RIF1: variants seen among roughly 807,000 people sequenced by gnomAD.
RIF1 encodes replication timing regulatory factor 1.
RIF1 carries 45 observed loss-of-function variants against 247.1 expected under a neutral mutation model. That is an observed-to-expected ratio of 0.18 (90% confidence interval 0.14 to 0.23). The LOEUF is 0.23. RIF1 is among the 10% of genes least tolerant of loss of function. The probability of loss-of-function intolerance (pLI) is 1.00; values close to 1 mark genes in which losing one functional copy is unlikely to be tolerated. For synonymous variants in RIF1, 1,087 were observed against 978.8 expected, an observed-to-expected ratio of 1.11 and a Z score of -2.06; for missense variants, 2,967 against 2,862.5, an observed-to-expected ratio of 1.04 and a Z score of -0.83.
At chr2:151,418,941 A>T (rs977756121) in intron 6 of RIF1, among the ~76,000 whole-genome samples, 12 of 146,884 alleles carry the variant, frequency 8.2e-5, no homozygotes, top group Non-Finnish European at 1.3e-4. Flanking sequence ...TTCCCTCGTT[A>T]GATCCTTATT....
chr2:151,434,196 T>C (rs1690709853), intron 10 of RIF1, among the ~76,000 whole-genome samples: 1 of 150,912 alleles, frequency 6.6e-6, no homozygotes, highest in Non-Finnish European at 1.5e-5. Context: ...AGAAATCAAG[T>C]GCTACACTGG....
intron 20 of RIF1, among the ~76,000 whole-genome samples, chr2:151,449,261 G>A (rs1693846502): frequency 6.6e-6 from 1 of 151,992 alleles, no homozygotes; most frequent in African/African-American, 2.4e-5. Flanking sequence ...AATTATCATA[G>A]GATTAATGTT....
rs1346184796 is a variant in RIF1, at chr2:151,479,732, C to T, written c.*4661C>T. ...CGAAAAGTGAGTTTTTCTTGGAATT[C>T]TGTTAAGGTGTTAGATTTTCCTCAC... On this transcript the variant is annotated 3_prime_UTR_variant, in exon 36 of 36. Coordinates refer to ENST00000444746, the MANE Select transcript of RIF1 (RefSeq NM_018151.5). 6 of 152,088 alleles carry T rather than the reference C, an allele frequency of 3.9e-5. No homozygotes were observed. Among genetic ancestry groups the T allele is most frequent in the Admixed American group, 3.9e-4 (6 of 15,258 alleles). The allele number at this position is 152,088 out of a possible 1,614,324, so 9.4% of individuals were successfully genotyped here.
At chr2:151,506,889 A>G in intron 13 of RIF1, 1 of 1,511,902 alleles carries the variant, frequency 6.6e-7, no homozygotes, top group Non-Finnish European at 9.2e-7. Context: ...CATTAAATGC[A>G]AAATAAATAG....
At chr2:151,498,807 A>AAGTC (rs1391137492) in intron 10 of RIF1, among the ~76,000 whole-genome samples, 9 of 152,190 alleles carry the variant, frequency 5.9e-5, no homozygotes, top group Admixed American at 2.0e-4. Context: ...CTTTCAAAAG[A>AAGTC]AGTCAGAGTA....
intron 6 of RIF1, among the ~76,000 whole-genome samples, chr2:151,419,379 G>T (rs566490488): frequency 1.3e-5 from 2 of 151,920 alleles, no homozygotes; most frequent in African/African-American, 4.8e-5. Flanking sequence ...AGGCTGGAGC[G>T]CAGTGGTGAG....
intron 12 of RIF1, chr2:151,505,653 C>A (rs2153174201): frequency 8.6e-7 from 1 of 1,168,046 alleles, no homozygotes; most frequent in South Asian, 1.2e-5. Flanking sequence ...TTTTTTGTAG[C>A]CCCCAAATTA....
downstream of RIF1, chr2:151,483,228 G>A (rs1160645005): frequency 5.3e-5 from 8 of 152,178 alleles, no homozygotes; most frequent in Admixed American, 3.3e-4. Context: ...TGCAGCCTAC[G>A]TGGTAGTGGA....
chr2:151,457,723 T>C (rs1308366472), intron 23 of RIF1, 38 bp from the exon 24 acceptor site: 1 of 1,416,520 alleles, frequency 7.1e-7, no homozygotes, highest in African/African-American at 1.4e-5. Flanking sequence ...AGTTAATATT[T>C]AGTATATGTT....
intron 24 of RIF1, 138 bp downstream of exon 24, chr2:151,458,101 C>T (rs1695499650): frequency 1.7e-6 from 1 of 579,422 alleles, no homozygotes; most frequent in East Asian, 2.9e-5. Context: ...ATTTGGAATA[C>T]ATGATAATTA....
intron 35 of RIF1, 103 bp from the exon 36 acceptor site, chr2:151,474,754 C>T (rs973983733): frequency 4.3e-6 from 3 of 700,368 alleles, no homozygotes; most frequent in African/African-American, 3.6e-5. Flanking sequence ...AGCCTGCTCT[C>T]TCAATTTGAA....
At chr2:151,431,317 A>G (rs2432956) in intron 9 of RIF1, among the ~76,000 whole-genome samples, 60,070 of 152,084 alleles carry the variant, frequency 0.39, 12,016 homozygotes, top group African/African-American at 0.42. Context: ...AGAATCTTAT[A>G]TACACATCCA....
chr2:151,454,919 C>T lies in RIF1; in HGVS notation c.2369C>T (p.Ser790Phe), dbSNP rs1381104466. The T allele has an allele frequency of 1.2e-6, 2 of 1,608,106 alleles. No individual in the cohort carries two copies. Among genetic ancestry groups the T allele is most frequent in the Non-Finnish European group, 1.7e-6 (2 of 1,176,974 alleles). ...GCACCACAGAGACCTTCAGATTGGTCCAAAAAGAAGAATGAGCCCCTAGGG... is the reference window on the plus strand; with the variant it reads ...GCACCACAGAGACCTTCAGATTGGTTCAAAAAGAAGAATGAGCCCCTAGGG... ...VKSPQRPSDWSKKKNEPLGKL... is the reference protein window; with the variant it reads ...VKSPQRPSDWFKKKNEPLGKL... Residue 790 changes from serine (S) to phenylalanine (F), a missense_variant, in exon 22 of 36, where the codon TCC becomes TTC. By Grantham distance (155) the Ser-to-Phe change is radical. Coordinates refer to ENST00000444746, the MANE Select transcript of RIF1 (RefSeq NM_018151.5).
intron 13 of RIF1, among the ~76,000 whole-genome samples, chr2:151,437,704 T>G (rs1035545180): frequency 6.6e-6 from 1 of 152,048 alleles, no homozygotes; most frequent in Non-Finnish European, 1.5e-5. Context: ...ATAAAAAATA[T>G]GAAGATAAAA....
chr2:151,492,037 C>G, intron 9 of RIF1: 1 of 1,530,636 alleles, frequency 6.5e-7, no homozygotes, highest in Non-Finnish European at 9.0e-7. Context: ...GGTAATGCTA[C>G]TTTTGTTCTT....
rs185808212 is a variant in RIF1, at chr2:151,417,169, A to G, written c.503+268A>G. Among the ~76,000 whole-genome samples the G allele has an allele frequency of 3.7e-3, 567 of 152,324 alleles. 5 individuals are homozygous for G. The Middle Eastern group carries it at 0.082, about 22-fold the overall frequency. ...TAACATACACAGTTCAGGTTTGAAA[A>G]ATATCTTAAAGTTTGTGTAAGGATT... On this transcript the variant is annotated intron_variant, in intron 6 of 35. Coordinates refer to ENST00000444746, the MANE Select transcript of RIF1 (RefSeq NM_018151.5).
intron 14 of RIF1, 142 bp from the exon 15 acceptor site, chr2:151,439,885 A>T (rs1167379516): frequency 9.8e-6 from 5 of 509,878 alleles, no homozygotes; most frequent in African/African-American, 4.1e-5. Context: ...AGGCAGGAGA[A>T]TCGCTTGAAC....
Position 151,464,592 on chromosome 2 carries a change from A to T in RIF1, c.5072A>T (p.Asn1691Ile). The T allele has an allele frequency of 6.2e-7, 1 of 1,613,554 alleles. No individual in the cohort carries two copies. Among genetic ancestry groups the T allele is most frequent in the Non-Finnish European group, 8.5e-7 (1 of 1,179,654 alleles). ...KRLHKRDSFD[N>I]CSLGESSKIG... ...TTACATAAGCGAGACTCTTTTGATA[A>T]TTGTAGTTTGGGAGAATCCTCAAAA... Residue 1691 changes from asparagine to isoleucine, a missense_variant, in exon 30 of 36, where the codon AAT becomes ATT. Physicochemically the swap from Asn to Ile is moderately radical, Grantham distance 149 (BLOSUM62 -3). Coordinates refer to ENST00000444746, the MANE Select transcript of RIF1 (RefSeq NM_018151.5).
rs1053495887 is a variant in RIF1 at position 151,409,963 on chromosome 2, A to G, written c.-81A>G. Reference sequence around the variant, plus strand: ...GCGTGAGTAAACAGCCGGAGCTGGGAAAGTCGAGCTCTGGCAGCGTCTGGG... The same window carrying G: ...GCGTGAGTAAACAGCCGGAGCTGGGGAAGTCGAGCTCTGGCAGCGTCTGGG... On this transcript the variant is annotated 5_prime_UTR_variant, in exon 1 of 36. Coordinates refer to ENST00000444746, the MANE Select transcript of RIF1 (RefSeq NM_018151.5). The G allele has an allele frequency of 1.4e-5, 10 of 701,828 alleles. No individual in the cohort carries two copies. The African/African-American group carries it at 1.7e-4, about 12-fold the overall frequency. 43.5% of individuals were successfully genotyped at this position (701,828 alleles called of 1,614,324 possible). A position where few individuals can be genotyped will look rare whatever the true frequency, so the allele number is the denominator to read the frequency against.
Sources: allele counts gnomAD v4.1 joint callset (sites outside exome capture counted in the v4.1 genomes callset), GRCh38; gene constraint gnomAD v4.1.1; transcripts MANE v1.5; gene names NCBI Gene and HGNC (gene_info 2026-07-23, HGNC 2026-07-21).